EIF5B: variants seen among roughly 807,000 people sequenced by gnomAD.
EIF5B encodes eukaryotic translation initiation factor 5B, also known as eIF-5B.
EIF5B carries 47 observed loss-of-function variants against 147.5 expected under a neutral mutation model. The observed-to-expected ratio is 0.32, with a 90% CI of 0.25 to 0.41. The LOEUF is 0.41. Ranked by LOEUF, EIF5B falls within the 10% of genes least tolerant of loss-of-function variation. The pLI, the probability that EIF5B is intolerant of heterozygous loss-of-function variation, is 1.00. For missense variants in EIF5B, 1,064 were observed against 1,413.2 expected, an observed-to-expected ratio of 0.75 and a Z score of 3.96; for synonymous variants, 455 against 456.2, an observed-to-expected ratio of 1.00 and a Z score of 0.03.
At chr2:99,349,182 C>CTCCACCT (rs927305667) in intron 1 of EIF5B, among the ~76,000 whole-genome samples, 2 of 152,200 alleles carry the variant, frequency 1.3e-5, no homozygotes, top group African/African-American at 4.8e-5. Context: ...GGAGATAGAC[C>CTCCACCT]TCCACCTCTC....
At chr2:99,372,396 T>A (rs917948637) in intron 9 of EIF5B, among the ~76,000 whole-genome samples, 38 of 152,330 alleles carry the variant, frequency 2.5e-4, no homozygotes, top group African/African-American at 8.7e-4. Context: ...TGGAGTGCAG[T>A]GGCGCAATCT....
At chr2:99,340,506 G>A (rs2094257173) in intron 1 of EIF5B, 1 of 152,164 alleles carries the variant, frequency 6.6e-6, no homozygotes. Flanking sequence ...TGCTTATTTA[G>A]TTATCAAGAG....
chr2:99,375,838 T>A (rs1388345021), intron 9 of EIF5B, among the ~76,000 whole-genome samples: 2 of 152,202 alleles, frequency 1.3e-5, no homozygotes, highest in East Asian at 1.9e-4. Flanking sequence ...TCTGAAATGC[T>A]CCAAAATCAA....
chr2:99,369,869 G>A (rs1387265828), intron 8 of EIF5B, among the ~76,000 whole-genome samples: 1 of 152,016 alleles, frequency 6.6e-6, no homozygotes, highest in Non-Finnish European at 1.5e-5. Context: ...CCAGCTACTT[G>A]GGAGGCTGAG....
rs755066175 is a variant in EIF5B, at chr2:99,394,403, G to GTA, written c.3012+6_3012+7dup. On this transcript the variant is annotated splice_donor_region_variant and intron_variant, in intron 19 of 23. Coordinates refer to ENST00000289371, the MANE Select transcript of EIF5B (RefSeq NM_015904.4). The stretch of plus-strand genomic sequence containing the variant: ...CTGAAAACATCAGAAGTGCCCGTAA[G>GTA]TAACTACAACTCGCTCCACAAGTGA... 1 of 1,613,880 alleles carries GTA rather than the reference G, an allele frequency of 6.2e-7. No homozygotes were observed. Among genetic ancestry groups the GTA allele is most frequent in the Non-Finnish European group, 8.5e-7 (1 of 1,179,952 alleles).
At chr2:99,345,337 A>G (rs1218959152) in intron 1 of EIF5B, among the ~76,000 whole-genome samples, 1 of 152,152 alleles carries the variant, frequency 6.6e-6, no homozygotes, top group Non-Finnish European at 1.5e-5. Flanking sequence ...TCGTGCCTGT[A>G]ATTGCAGAAC....
chr2:99,361,239 G>T lies in EIF5B; in HGVS notation c.338G>T (p.Ser113Ile), dbSNP rs1290849073. 4.3e-6 allele frequency: 7 copies of T among 1,611,848 alleles called. No homozygotes were observed. Among genetic ancestry groups the T allele is most frequent in the Non-Finnish European group, 5.9e-6 (7 of 1,179,458 alleles). Residue 113 changes from serine to isoleucine, a missense_variant, in exon 4 of 24, where the codon AGC becomes ATC. Physicochemically the swap from Ser to Ile is moderately radical, Grantham distance 142. This residue lies in a region of EIF5B where 458 missense variants were observed against 451.3 expected (regional missense o/e 1.01). Transcript: ENST00000289371. ...AAACAGAGTTTTGATGATAATGATA[G>T]CGAAGAATTGGAAGATAAAGATTCA... ...GKKQSFDDND[S>I]EELEDKDSKS... is the part of the protein sequence containing the mutation.
intron 1 of EIF5B, among the ~76,000 whole-genome samples, chr2:99,342,935 G>C (rs1466998795): frequency 1.3e-5 from 2 of 151,482 alleles, no homozygotes; most frequent in African/African-American, 4.8e-5. Flanking sequence ...TGCCTGGCCT[G>C]GGTTGTCTTT....
intron 1 of EIF5B, among the ~76,000 whole-genome samples, chr2:99,358,486 A>G (rs1674140108): frequency 6.6e-6 from 1 of 152,228 alleles, no homozygotes; most frequent in Non-Finnish European, 1.5e-5. Context: ...TCTGTGCCTC[A>G]GTTAGTAGTT....
At chr2:99,387,083 T>C (rs1404736637) in intron 14 of EIF5B, among the ~76,000 whole-genome samples, 1 of 152,092 alleles carries the variant, frequency 6.6e-6, no homozygotes, top group Non-Finnish European at 1.5e-5. Context: ...CTGATTTGTA[T>C]TTTTAGTAGA....
intron 4 of EIF5B, among the ~76,000 whole-genome samples, chr2:99,363,048 C>T (rs1432482134): frequency 2.0e-5 from 3 of 152,088 alleles, no homozygotes; most frequent in South Asian, 2.1e-4. Context: ...TGTGAGCCAC[C>T]GTGCCCAGCA....
intron 16 of EIF5B, 44 bp from the exon 17 acceptor site, chr2:99,390,500 G>A (rs1318036648): frequency 6.3e-7 from 1 of 1,593,718 alleles, no homozygotes; most frequent in Non-Finnish European, 8.5e-7. Context: ...AATGAACATG[G>A]TGCATTGTAT....
chr2:99,354,577 CTT>C (rs2105340834), intron 1 of EIF5B, among the ~76,000 whole-genome samples: 1 of 152,234 alleles, frequency 6.6e-6, no homozygotes, highest in South Asian at 2.1e-4. Context: ...ACTCTTAACT[CTT>C]TGCTTAGTGC....
At chr2:99,365,130 C>T (rs749120146) in intron 6 of EIF5B, among the ~76,000 whole-genome samples, 16 of 152,108 alleles carry the variant, frequency 1.1e-4, no homozygotes, top group Non-Finnish European at 1.9e-4. Flanking sequence ...CTCCTATATT[C>T]CCTAGATTTT....
chr2:99,345,720 G>A (rs1194254856), intron 1 of EIF5B, among the ~76,000 whole-genome samples: 1 of 152,050 alleles, frequency 6.6e-6, no homozygotes, highest in Non-Finnish European at 1.5e-5. Flanking sequence ...TGAAGCAGAA[G>A]GATTGCTTGA....
Position 99,369,484 on chromosome 2 carries a change from G to C in EIF5B, c.1477+3G>C. 6.2e-7 allele frequency: 1 copy of C among 1,604,378 alleles called. No homozygotes were observed. The highest frequency in any genetic ancestry group is 8.5e-7 in the Non-Finnish European group (1 of 1,174,208). On this transcript the variant is annotated splice_donor_region_variant and intron_variant, in intron 8 of 23. Transcript: ENST00000289371. ...GACACCACCTCCTGTTGAACCAGGC[G>C]GGTAGTGTTATCTGATTATTTAATT...
intron 13 of EIF5B, 119 bp downstream of exon 13, chr2:99,382,345 CT>C (rs1205841818): frequency 2.8e-6 from 2 of 713,626 alleles, no homozygotes; most frequent in Non-Finnish European, 4.6e-6. Flanking sequence ...ACCACTCCAC[CT>C]TTGTACCTCA....
intron 1 of EIF5B, among the ~76,000 whole-genome samples, chr2:99,357,537 C>T (rs1674119233): frequency 6.6e-6 from 1 of 152,104 alleles, no homozygotes; most frequent in Non-Finnish European, 1.5e-5. Context: ...CACAAAAAGC[C>T]TTTCAGACTT....
chr2:99,364,865 A>C (rs750354223), intron 6 of EIF5B, among the ~76,000 whole-genome samples: 27 of 144,572 alleles, frequency 1.9e-4, no homozygotes, highest in Non-Finnish European at 3.4e-4. Flanking sequence ...CACGGTGAAA[A>C]AGTATTCATG....
Sources: gnomAD v4.1 joint callset for allele counts (sites outside exome capture counted in the v4.1 genomes callset) on GRCh38, gnomAD v4.1.1 for gene constraint, gnomAD v4.1.1 regional missense constraint, MANE v1.5 for transcripts, NCBI Gene and HGNC (gene_info 2026-07-23, HGNC 2026-07-21) for gene names.